Variants in PEX7 observed in about 807,000 individuals in gnomAD.
PEX7 encodes peroxisomal biogenesis factor 7, also known as PTS2 receptor.
A neutral mutation model predicts 47.5 loss-of-function variants in PEX7; 34 were observed. That is an observed-to-expected ratio of 0.72 (90% CI 0.54 to 0.95). The LOEUF (loss-of-function observed/expected upper bound fraction) is 0.95. PEX7 is among the 40% of genes least tolerant of loss of function. The pLI, the probability that PEX7 is intolerant of heterozygous loss-of-function variation, is 0.00. For missense variants in PEX7, 394 were observed against 400.3 expected (o/e 0.98, Z 0.13); for synonymous variants, 141 against 148.8 (o/e 0.95, Z 0.38).
intron 4 of PEX7, 117 bp from the exon 5 acceptor site, chr6:136,845,956 G>GTA (rs1250485759): frequency 5.5e-6 from 4 of 726,310 alleles, no homozygotes; most frequent in Middle Eastern, 3.5e-4. Context: ...CTTGAGATCT[G>GTA]TATATATATT....
In PEX7 at chr6:136,822,785, C is replaced by G. The variant is rs61753238; in HGVS notation, c.120C>G (p.Tyr40Ter). 131 of 1,349,960 alleles carry G rather than the reference C, an allele frequency of 9.7e-5. No individual in the cohort carries two copies. The highest frequency in any genetic ancestry group is 1.8e-4 in the Admixed American group (5 of 27,338). The allele number at this position is 1,349,960 out of a possible 1,614,324, so 83.6% of individuals were successfully genotyped here. Residue 40 changes from tyrosine to a stop codon, truncating the protein, a stop_gained, in exon 1 of 10, where the codon TAC becomes TAG. Transcript: ENST00000318471. LOFTEE classifies it high-confidence loss of function. ...TGGCCTGCGCCACCGCGCAGCACTA[C>G]GGCATCGCGGGTGAGGCGGCGCCGC... Reference protein sequence around the residue: ...GRLACATAQHYGIAGCGTLLI... With the variant: ...GRLACATAQH
At chr6:136,872,340 C>G (rs1052890503) in intron 8 of PEX7, 87 bp downstream of exon 8, 6 of 935,656 alleles carry the variant, frequency 6.4e-6, no homozygotes, top group African/African-American at 1.7e-5. Context: ...TATGATTACT[C>G]TTACTAACAT....
intron 9 of PEX7, among the ~76,000 whole-genome samples, chr6:136,904,632 C>CTTTTT (rs772446747): frequency 7.7e-6 from 1 of 129,600 alleles, no homozygotes. Flanking sequence ...CCTGCACAAG[C>CTTTTT]TTTTTTTTTT....
intron 8 of PEX7, among the ~76,000 whole-genome samples, chr6:136,888,317 A>G (rs1325310407): frequency 6.6e-6 from 1 of 152,210 alleles, no homozygotes; most frequent in African/African-American, 2.4e-5. Flanking sequence ...TCAAACCATA[A>G]GAAATCATGT....
rs368435862 is a variant in PEX7, at chr6:136,866,711, G to A, written c.611G>A (p.Cys204Tyr). 38 of 1,613,746 alleles carry A rather than the reference G, an allele frequency of 2.4e-5. No individual in the cohort carries two copies. The South Asian group carries it at 3.0e-4, about 13-fold the overall frequency. The change falls in exon 6 of 10, where the codon TGT becomes TAT. Residue 204 changes from cysteine (C) to tyrosine (Y), a missense_variant. Transcript: ENST00000318471. ...IPAHQAEILS[C>Y]DWCKYNENLL... is the part of the protein sequence containing the mutation. ...GCACATCAGGCAGAAATCTTGAGTT[G>A]TGACTGGTGTAAATACAATGAGGTA...
intron 9 of PEX7, among the ~76,000 whole-genome samples, chr6:136,899,291 G>A (rs1394785687): frequency 2.0e-5 from 3 of 151,252 alleles, no homozygotes; most frequent in African/African-American, 7.3e-5. Flanking sequence ...TGCCCAGGCT[G>A]GAGTGCAGTG....
intron 3 of PEX7, among the ~76,000 whole-genome samples, chr6:136,832,082 C>T (rs1774304636): frequency 6.6e-6 from 1 of 152,270 alleles, no homozygotes; most frequent in South Asian, 2.1e-4. Context: ...TCCATGAGGG[C>T]TCCTCCCTTG....
chr6:136,845,466 C>CA (rs1427935224), intron 3 of PEX7, 149 bp from the exon 4 acceptor site: 1 of 696,960 alleles, frequency 1.4e-6, no homozygotes, highest in Non-Finnish European at 2.7e-6. Context: ...TTTCATTTCT[C>CA]AGACACCTTG....
At position 136,866,633 on chromosome 6, in the gene PEX7, A is replaced by G; in HGVS notation, c.533A>G (p.Gln178Arg). ...PGCFASASGD[Q>R]TLRIWDVKAA... ...AAGTCTTCCTTTTTACTAGGTGATC[A>G]GACTCTGAGAATATGGGATGTGAAG... Residue 178 changes from glutamine (Q) to arginine (R), a missense_variant, in exon 6 of 10, where the codon CAG becomes CGG. Coordinates refer to ENST00000318471, the MANE Select transcript of PEX7 (RefSeq NM_000288.4). 6.2e-7 allele frequency: 1 copy of G among 1,613,828 alleles called. No homozygotes were observed. Among genetic ancestry groups the G allele is most frequent in the Non-Finnish European group, 8.5e-7 (1 of 1,179,744 alleles).
intron 5 of PEX7, among the ~76,000 whole-genome samples, chr6:136,853,372 G>A (rs1774795425): frequency 6.6e-6 from 1 of 152,198 alleles, no homozygotes; most frequent in African/African-American, 2.4e-5. Flanking sequence ...GAGAACAGAA[G>A]ACATTAGCTA....
At chr6:136,872,049 A>G (rs1462356361) in intron 7 of PEX7, 149 bp from the exon 8 acceptor site, 1 of 613,944 alleles carries the variant, frequency 1.6e-6, no homozygotes, top group Non-Finnish European at 2.7e-6. Flanking sequence ...CTCAAATTAT[A>G]GCATATATGC....
rs917755292 is a variant in PEX7, at chr6:136,862,002, A to G, written c.527-4625A>G. Reference sequence around the variant, plus strand: ...AGATCATTTCATCAAAGCTATATATATATATTTTTTCTGTATTTATATATA... The same window carrying G: ...AGATCATTTCATCAAAGCTATATATGTATATTTTTTCTGTATTTATATATA... On this transcript the variant is annotated intron_variant, in intron 5 of 9. Transcript: ENST00000318471. 1.2e-4 allele frequency among the ~76,000 whole-genome samples: 17 copies of G among 141,174 alleles called. 1 individual carries two copies. Among genetic ancestry groups the G allele is most frequent in the Admixed American group, 1.1e-3 (15 of 14,100 alleles). 92.6% of individuals were successfully genotyped at this position (141,174 alleles called of 152,430 possible).
chr6:136,907,481 C>CTAA (rs1775864059), intron 9 of PEX7, among the ~76,000 whole-genome samples: 1 of 149,400 alleles, frequency 6.7e-6, no homozygotes, highest in Non-Finnish European at 1.5e-5. Context: ...GTAGAGTTAA[C>CTAA]TGTGATTTTT....
chr6:136,867,064 T>A (rs1029771798), intron 6 of PEX7, among the ~76,000 whole-genome samples: 3 of 152,210 alleles, frequency 2.0e-5, no homozygotes, highest in Admixed American at 6.5e-5. Context: ...TTTATTTCTT[T>A]CTCACTTTGC....
At chr6:136,861,250 A>G (rs2115203800) in intron 5 of PEX7, among the ~76,000 whole-genome samples, 1 of 152,046 alleles carries the variant, frequency 6.6e-6, no homozygotes. Context: ...AAGCCCGACT[A>G]ATTTTTGTAT....
intron 5 of PEX7, among the ~76,000 whole-genome samples, chr6:136,858,368 A>G (rs1458617952): frequency 1.3e-5 from 2 of 152,204 alleles, no homozygotes; most frequent in Non-Finnish European, 2.9e-5. Context: ...GTGGACAGTT[A>G]GTGCTTATCT....
chr6:136,824,821 G>A (rs1300662924), intron 1 of PEX7, among the ~76,000 whole-genome samples: 2 of 152,180 alleles, frequency 1.3e-5, no homozygotes, highest in African/African-American at 4.8e-5. Context: ...GGGTCTGTAA[G>A]CCAGAGGTTT....
chr6:136,855,294 C>T (rs1774839282), intron 5 of PEX7, among the ~76,000 whole-genome samples: 1 of 151,384 alleles, frequency 6.6e-6, no homozygotes, highest in East Asian at 1.9e-4. Flanking sequence ...TTTATGTAAT[C>T]TTGTTGATGT....
chr6:136,834,590 A>G (rs1774353381), intron 3 of PEX7, among the ~76,000 whole-genome samples: 1 of 152,228 alleles, frequency 6.6e-6, no homozygotes, highest in Non-Finnish European at 1.5e-5. Flanking sequence ...ATGTCCACAC[A>G]ACCAGATGTC....
Sources: gnomAD v4.1 joint callset for allele counts (sites outside exome capture counted in the v4.1 genomes callset) on GRCh38, gnomAD v4.1.1 for gene constraint, MANE v1.5 for transcripts, NCBI Gene and HGNC (gene_info 2026-07-23, HGNC 2026-07-21) for gene names.